The following ZC3H12C variants were observed in gnomAD, a reference collection of about 807,000 sequenced individuals.
The protein encoded by ZC3H12C is zinc finger CCCH-type containing 12C, also known as probable ribonuclease ZC3H12C.
Under a neutral mutation model 76.3 loss-of-function variants are expected in ZC3H12C, and 20 were observed. The ratio of observed to expected loss-of-function variants is 0.26; its 90% CI spans 0.18 to 0.38. The LOEUF is 0.38. Among genes scored for constraint, ZC3H12C ranks in the 10% least tolerant of loss-of-function variants. The probability of loss-of-function intolerance (pLI) is 1.00; values close to 1 mark genes in which losing one functional copy is unlikely to be tolerated. For missense variants in ZC3H12C, 874 were observed against 1,086.5 expected (o/e 0.80, Z 2.75); for synonymous variants, 352 against 399.6 (o/e 0.88, Z 1.42).
chr11:110,138,560 C>CTT (rs550307579), intron 2 of ZC3H12C, among the ~76,000 whole-genome samples: 3 of 140,590 alleles, frequency 2.1e-5, no homozygotes, highest in South Asian at 2.3e-4. Context: ...TTACATTATT[C>CTT]TTTTTTTTTT....
intron 1 of ZC3H12C, among the ~76,000 whole-genome samples, chr11:110,110,192 G>T (rs898951057): frequency 6.6e-6 from 1 of 151,968 alleles, no homozygotes; most frequent in Non-Finnish European, 1.5e-5. Context: ...AGGGCTTTTT[G>T]TCCTTTTTGT....
At chr11:110,130,474 T>G (rs1861840892) in intron 1 of ZC3H12C, among the ~76,000 whole-genome samples, 1 of 152,202 alleles carries the variant, frequency 6.6e-6, no homozygotes, top group Non-Finnish European at 1.5e-5. Context: ...TATACCCTTC[T>G]GTCTCATTTC....
intron 1 of ZC3H12C, among the ~76,000 whole-genome samples, chr11:110,104,788 C>T (rs978777867): frequency 6.6e-6 from 1 of 152,218 alleles, no homozygotes; most frequent in African/African-American, 2.4e-5. Context: ...AAGTGCTTGA[C>T]ACATAGAAGG....
chr11:110,150,753 GTTGTGGATTT>G (rs1462618479), intron 2 of ZC3H12C, among the ~76,000 whole-genome samples: 1 of 151,832 alleles, frequency 6.6e-6, no homozygotes, highest in African/African-American at 2.4e-5. Context: ...AATTAGTATG[GTTGTGGATTT>G]TTTTCATTTC....
chr11:110,100,023 G>GAATT (rs71053856), intron 1 of ZC3H12C, among the ~76,000 whole-genome samples: 106,949 of 151,378 alleles, frequency 0.71, 38,047 homozygotes, highest in East Asian at 0.89. Context: ...TTAGTCATAA[G>GAATT]AATTGATAGT....
At chr11:110,158,753 TTC>T (rs1381492516) in intron 3 of ZC3H12C, among the ~76,000 whole-genome samples, 1 of 152,246 alleles carries the variant, frequency 6.6e-6, no homozygotes, top group Non-Finnish European at 1.5e-5. Context: ...TTAAAGATTT[TTC>T]TCTTTGCTAC....
At chr11:110,145,604 C>CG (rs375977452) in intron 2 of ZC3H12C, among the ~76,000 whole-genome samples, 2,635 of 147,610 alleles carry the variant, frequency 0.018, 48 homozygotes, top group East Asian at 0.095. Context: ...AAATTGGGGG[C>CG]GGGGGGGAGT....
At chr11:110,099,810 T>C (rs1237167768) in intron 1 of ZC3H12C, among the ~76,000 whole-genome samples, 1 of 140,308 alleles carries the variant, frequency 7.1e-6, no homozygotes, top group African/African-American at 2.8e-5. Flanking sequence ...AGACTCCATC[T>C]CAAAAAAAAA....
At chr11:110,157,143 C>T (rs1389928950) in intron 3 of ZC3H12C, among the ~76,000 whole-genome samples, 1 of 149,174 alleles carries the variant, frequency 6.7e-6, no homozygotes, top group Non-Finnish European at 1.5e-5. Flanking sequence ...CGCACCAGTG[C>T]ACTCCAGCCT....
intron 1 of ZC3H12C, among the ~76,000 whole-genome samples, chr11:110,104,786 G>A (rs960601748): frequency 4.6e-5 from 7 of 152,210 alleles, no homozygotes; most frequent in African/African-American, 1.7e-4. Context: ...AAAAGTGCTT[G>A]ACACATAGAA....
intron 2 of ZC3H12C, among the ~76,000 whole-genome samples, chr11:110,150,499 A>G (rs889708954): frequency 1.3e-5 from 2 of 152,318 alleles, no homozygotes; most frequent in South Asian, 2.1e-4. Context: ...AGGACATTAT[A>G]TCTGCAATGT....
chr11:110,132,872 G>A (rs899257436), intron 1 of ZC3H12C, among the ~76,000 whole-genome samples: 12 of 152,058 alleles, frequency 7.9e-5, no homozygotes, highest in African/African-American at 2.9e-4. Flanking sequence ...GAAATGAAAA[G>A]TATTTTCTAC....
chr11:110,106,272 AAAAT>A (rs572073243), intron 1 of ZC3H12C, among the ~76,000 whole-genome samples: 1,478 of 18,246 alleles, frequency 0.081, 576 homozygotes, highest in African/African-American at 0.3. Context: ...CGTCTCAAAA[AAAAT>A]AAATAAATAA....
chr11:110,105,987 A>AATTTGTATTTCT (rs1591458142), intron 1 of ZC3H12C, among the ~76,000 whole-genome samples: 1 of 76,096 alleles, frequency 1.3e-5, no homozygotes. Context: ...AAGTTATACC[A>AATTTGTATTTCT]GCCGGGCGCG....
chr11:110,126,236 T>C (rs1861744207), intron 1 of ZC3H12C, among the ~76,000 whole-genome samples: 1 of 130,930 alleles, frequency 7.6e-6, no homozygotes, highest in Admixed American at 7.3e-5. Context: ...TTTTTTTTTT[T>C]TTTTTGAGAT....
intron 1 of ZC3H12C, among the ~76,000 whole-genome samples, chr11:110,135,216 G>C (rs961066084): frequency 6.6e-6 from 1 of 152,108 alleles, no homozygotes; most frequent in African/African-American, 2.4e-5. Context: ...GAGGCCAGGC[G>C]TGGTGGCTCA....
At chr11:110,103,692 G>A (rs911923781) in intron 1 of ZC3H12C, among the ~76,000 whole-genome samples, 5 of 151,404 alleles carry the variant, frequency 3.3e-5, no homozygotes, top group East Asian at 2.0e-4. Flanking sequence ...TGCAAGCTCC[G>A]CCTCTCGGGT....
At chr11:110,104,889 T>C (rs1861294363) in intron 1 of ZC3H12C, among the ~76,000 whole-genome samples, 3 of 152,252 alleles carry the variant, frequency 2.0e-5, no homozygotes, top group Admixed American at 2.0e-4. Context: ...TGGCTCTTAG[T>C]TGTGTTCTGA....
At chr11:110,117,970 CACAT>C (rs1208259530) in intron 1 of ZC3H12C, among the ~76,000 whole-genome samples, 2 of 107,976 alleles carry the variant, frequency 1.9e-5, no homozygotes, top group African/African-American at 3.7e-5. Context: ...TATATACACA[CACAT>C]ATATATTATA....
Sources: allele counts gnomAD v4.1 joint callset (sites outside exome capture counted in the v4.1 genomes callset), GRCh38; gene constraint gnomAD v4.1.1; transcripts MANE v1.5; gene names NCBI Gene and HGNC (gene_info 2026-07-23, HGNC 2026-07-21).